Variants in DNAJB4 observed in about 807,000 individuals in gnomAD.
The protein encoded by DNAJB4 is dnaJ homolog subfamily B member 4.
A neutral mutation model predicts 26.6 loss-of-function variants in DNAJB4; 10 were observed. That is an observed-to-expected ratio of 0.38 (90% CI 0.23 to 0.64). The LOEUF (loss-of-function observed/expected upper bound fraction) is 0.64, where lower values mean the gene tolerates loss of function less well. Ranked by LOEUF, DNAJB4 falls within the 30% of genes least tolerant of loss-of-function variation. DNAJB4 has a pLI of 0.58. For missense variants in DNAJB4, 328 were observed against 408.2 expected (o/e 0.80, Z 1.69); for synonymous variants, 136 against 134.8 (o/e 1.01, Z -0.06).
rs1361425454 is a variant in DNAJB4, at chr1:78,016,485, GT to G, written c.*239del. 4 of 490,556 alleles carry G rather than the reference GT, an allele frequency of 8.2e-6. No homozygotes were observed. The highest frequency in any genetic ancestry group is 7.8e-5 in the African/African-American group (4 of 51,126). 30.4% of individuals were successfully genotyped at this position (490,556 alleles called of 1,614,324 possible). A position where few individuals can be genotyped will look rare whatever the true frequency, so the allele number is the denominator to read the frequency against. ...ATTTCTCCTGATTCAGATATTTTTA[GT>G]AATTTGCTTATATGTAAAAGTTGTT... On this transcript the variant is annotated 3_prime_UTR_variant, in exon 3 of 3. Transcript: ENST00000370763.
chr1:78,009,960 TTGTC>T (rs141597666), intron 1 of DNAJB4, among the ~76,000 whole-genome samples: 4,116 of 152,234 alleles, frequency 0.027, 140 homozygotes, highest in African/African-American at 0.094. Context: ...GCTTCGTTCT[TTGTC>T]TGAGCTGCAT....
intron 1 of DNAJB4, among the ~76,000 whole-genome samples, chr1:77,980,886 G>C (rs973364922): frequency 2.0e-5 from 3 of 152,062 alleles, no homozygotes; most frequent in Non-Finnish European, 4.4e-5. Flanking sequence ...GGTGGAATTT[G>C]CATTTGAAAA....
At chr1:78,007,982 T>C (rs1322253018) in intron 1 of DNAJB4, among the ~76,000 whole-genome samples, 4 of 152,194 alleles carry the variant, frequency 2.6e-5, no homozygotes, top group Non-Finnish European at 5.9e-5. Flanking sequence ...TTTATGTATT[T>C]AGGAGTGAAA....
intron 1 of DNAJB4, chr1:77,980,339 A>ATATATATATATGTG (rs1477495217): frequency 3.6e-4 from 45 of 126,128 alleles, no homozygotes; most frequent in African/African-American, 1.7e-3. Context: ...ATATATATAT[A>ATATATATATATGTG]TGTGTGTGTG....
intron 1 of DNAJB4, among the ~76,000 whole-genome samples, chr1:77,984,649 A>C (rs770080816): frequency 6.6e-6 from 1 of 152,174 alleles, no homozygotes; most frequent in Non-Finnish European, 1.5e-5. Flanking sequence ...TGTATAAAAG[A>C]GGGCTTGTCA....
intron 2 of DNAJB4, 119 bp downstream of exon 2, chr1:78,013,738 A>G (rs1660559743): frequency 2.5e-6 from 2 of 795,522 alleles, no homozygotes; most frequent in Admixed American, 6.2e-5. Context: ...AATAATTACT[A>G]TAAAAATCCT....
At chr1:78,004,150 A>G (rs970020676), upstream of DNAJB4, among the ~76,000 whole-genome samples, 5 of 152,146 alleles carry the variant, frequency 3.3e-5, no homozygotes, top group African/African-American at 1.2e-4. Flanking sequence ...GCAGCACCAC[A>G]GTTCTTTAAA....
intron 1 of DNAJB4, among the ~76,000 whole-genome samples, chr1:77,997,172 C>T (rs1185920548): frequency 6.6e-6 from 1 of 151,956 alleles, no homozygotes; most frequent in Non-Finnish European, 1.5e-5. Flanking sequence ...AAAGAGCAGT[C>T]ATCAAGTGTG....
chr1:78,002,879 G>C (rs1300859264), upstream of DNAJB4, among the ~76,000 whole-genome samples: 1 of 151,966 alleles, frequency 6.6e-6, no homozygotes, highest in East Asian at 1.9e-4. Flanking sequence ...CAGTGTCTAG[G>C]GAGCCAGATT....
chr1:78,014,982 C>A (rs1660596952), intron 2 of DNAJB4, among the ~76,000 whole-genome samples: 1 of 152,164 alleles, frequency 6.6e-6, no homozygotes, highest in African/African-American at 2.4e-5. Flanking sequence ...TAATACCTAC[C>A]TGCTACTGCC....
At chr1:78,006,454 C>G (rs1408130660) in intron 1 of DNAJB4, among the ~76,000 whole-genome samples, 1 of 152,156 alleles carries the variant, frequency 6.6e-6, no homozygotes, top group Non-Finnish European at 1.5e-5. Context: ...TCCTTTATTA[C>G]ATTTAACATC....
chr1:78,007,861 T>C (rs1198212240), intron 1 of DNAJB4, among the ~76,000 whole-genome samples: 1 of 152,168 alleles, frequency 6.6e-6, no homozygotes, highest in Non-Finnish European at 1.5e-5. Context: ...TTAATTTACC[T>C]GGTATCCTTC....
upstream of DNAJB4, among the ~76,000 whole-genome samples, chr1:78,003,543 T>C (rs1271613401): frequency 6.6e-6 from 1 of 152,200 alleles, no homozygotes; most frequent in Non-Finnish European, 1.5e-5. Flanking sequence ...CACATGATTA[T>C]TACCCTTTAT....
At chr1:77,999,388 A>G (rs961948151) in intron 1 of DNAJB4, among the ~76,000 whole-genome samples, 2 of 152,028 alleles carry the variant, frequency 1.3e-5, no homozygotes, top group African/African-American at 4.8e-5. Flanking sequence ...TATAAACTGT[A>G]AAGTATTATA....
At chr1:77,995,871 G>A (rs776503936) in intron 1 of DNAJB4, among the ~76,000 whole-genome samples, 8 of 152,128 alleles carry the variant, frequency 5.3e-5, no homozygotes, top group Non-Finnish European at 8.8e-5. Flanking sequence ...ACTTGAACCC[G>A]GGAGGCGGAG....
In DNAJB4 at chr1:78,017,933, T is replaced by C. The variant is rs1434439525; in HGVS notation, c.*1686T>C. On this transcript the variant is annotated 3_prime_UTR_variant, in exon 3 of 3. Transcript: ENST00000370763. ...TATGGGCATTTGGCTTATTTCTACT[T>C]TTTTGGCTATTATAAATAATGCTGC... 1 of 152,086 alleles carries C rather than the reference T, an allele frequency of 6.6e-6. No individual in the cohort carries two copies. The highest frequency in any genetic ancestry group is 1.5e-5 in the Non-Finnish European group (1 of 67,980). The allele number at this position is 152,086 out of a possible 1,614,324, so 9.4% of individuals were successfully genotyped here.
Position 78,013,612 on chromosome 1 carries a change from T to C in DNAJB4, c.773T>C (p.Leu258Ser). 1 of 1,575,674 alleles carries C rather than the reference T, an allele frequency of 6.3e-7. No individual in the cohort carries two copies. Among genetic ancestry groups the C allele is most frequent in the Non-Finnish European group, 8.6e-7 (1 of 1,167,182 alleles). ...ATAATTTATACTGCTAAAATTAGTT[T>C]ACGAGAGGTAAGTTGGTAGGACCTA... is the stretch of plus-strand genomic sequence containing the variant. ...SNIIYTAKISLREALCGCSIN... is the reference protein window; with the variant it reads ...SNIIYTAKISSREALCGCSIN... The change falls in exon 2 of 3, where the codon TTA becomes TCA. Residue 258 changes from leucine to serine, a missense_variant. Physicochemically the swap from Leu to Ser is moderately radical, Grantham distance 145. Coordinates refer to ENST00000370763, the MANE Select transcript of DNAJB4 (RefSeq NM_007034.5).
chr1:77,996,154 G>A (rs1660056379), intron 1 of DNAJB4, among the ~76,000 whole-genome samples: 1 of 152,014 alleles, frequency 6.6e-6, no homozygotes, highest in African/African-American at 2.4e-5. Flanking sequence ...AAAAGGAAAT[G>A]ATATATATAT....
At chr1:78,008,557 C>G (rs1041143383) in intron 1 of DNAJB4, among the ~76,000 whole-genome samples, 2 of 152,086 alleles carry the variant, frequency 1.3e-5, no homozygotes, top group African/African-American at 4.8e-5. Context: ...AAAAAGAAAG[C>G]AGATCTTTCT....
Sources: gnomAD v4.1 joint callset for allele counts (sites outside exome capture counted in the v4.1 genomes callset) on GRCh38, gnomAD v4.1.1 for gene constraint, MANE v1.5 for transcripts, NCBI Gene and HGNC (gene_info 2026-07-23, HGNC 2026-07-21) for gene names.